Variants in ORC5 observed in about 807,000 individuals in gnomAD.
The protein encoded by ORC5 is origin recognition complex subunit 5.
A neutral mutation model predicts 58.8 loss-of-function variants in ORC5; 39 were observed. The ratio of observed to expected loss-of-function variants is 0.66; its 90% CI spans 0.51 to 0.87. The LOEUF (loss-of-function observed/expected upper bound fraction) is 0.87. Ranked by LOEUF, ORC5 falls within the 40% of genes least tolerant of loss-of-function variation. The pLI is 0.00. For missense variants in ORC5, 493 were observed against 506.3 expected, an observed-to-expected ratio of 0.97 and a Z score of 0.25; for synonymous variants, 218 against 177.6, an observed-to-expected ratio of 1.23 and a Z score of -1.81.
intron 8 of ORC5, among the ~76,000 whole-genome samples, chr7:104,170,947 T>C (rs1253515330): frequency 6.6e-6 from 1 of 152,226 alleles, no homozygotes; most frequent in African/African-American, 2.4e-5. Context: ...TTTTCAGTCC[T>C]TTCCTCAATG....
chr7:104,173,596 G>T (rs12705181), intron 8 of ORC5, among the ~76,000 whole-genome samples: 1 of 151,972 alleles, frequency 6.6e-6, no homozygotes, highest in Non-Finnish European at 1.5e-5. Context: ...GGAAGCTCCT[G>T]AATTCATTCA....
At chr7:104,161,291 T>G in intron 11 of ORC5, 109 bp from the exon 12 acceptor site, 2 of 595,038 alleles carry the variant, frequency 3.4e-6, no homozygotes, top group Non-Finnish European at 5.9e-6. Flanking sequence ...ATAGTTCCCC[T>G]AAAAATGCTA....
chr7:104,133,954 T>A lies in ORC5; in HGVS notation c.1262+2827A>T, dbSNP rs1798550795. 6.6e-6 allele frequency among the ~76,000 whole-genome samples: 1 copy of A among 151,964 alleles called. No individual in the cohort carries two copies. The highest frequency in any genetic ancestry group is 1.5e-5 in the Non-Finnish European group (1 of 67,980). ...GGAATTCAGAGCATAGGTAGAAGAA[T>A]CTACCTTAGGAAGAGGAACCCCATC... On this transcript the variant is annotated intron_variant, in intron 13 of 13. Coordinates refer to ENST00000297431, the MANE Select transcript of ORC5 (RefSeq NM_002553.4). The surrounding 1 kb of genome is among the most constrained non-coding windows in gnomAD (Gnocchi z 4.7).
At chr7:104,162,457 C>T (rs1043873865) in intron 11 of ORC5, among the ~76,000 whole-genome samples, 2 of 152,294 alleles carry the variant, frequency 1.3e-5, no homozygotes, top group South Asian at 2.1e-4. Context: ...CCAGTGCACC[C>T]AGCTACAAAT....
intron 8 of ORC5, among the ~76,000 whole-genome samples, chr7:104,173,048 C>T (rs189477348): frequency 1.8e-4 from 27 of 150,828 alleles, no homozygotes; most frequent in Admixed American, 3.3e-4. Context: ...GCTAAAACCC[C>T]CAACAAGTAG....
chr7:104,128,191 C>A (rs549312234), intron 13 of ORC5, among the ~76,000 whole-genome samples: 2 of 152,270 alleles, frequency 1.3e-5, no homozygotes, highest in South Asian at 4.1e-4. Context: ...AGCATGATCT[C>A]GGCTCACTGC....
chr7:104,203,941 A>G (rs1337248357), intron 2 of ORC5, among the ~76,000 whole-genome samples: 2 of 152,146 alleles, frequency 1.3e-5, no homozygotes, highest in Non-Finnish European at 2.9e-5. Flanking sequence ...TAAATGAGGG[A>G]AGATGAGGAA....
intron 12 of ORC5, among the ~76,000 whole-genome samples, chr7:104,159,020 A>G (rs148912874): frequency 8.8e-6 from 1 of 113,428 alleles, no homozygotes; most frequent in Non-Finnish European, 2.1e-5. Flanking sequence ...ATAAAGACAC[A>G]TGCACAAGTA....
At chr7:104,192,937 CA>C (rs2116037533) in intron 5 of ORC5, among the ~76,000 whole-genome samples, 1 of 149,480 alleles carries the variant, frequency 6.7e-6, no homozygotes, top group Non-Finnish European at 1.5e-5. Context: ...AACACACACA[CA>C]CACAGATTTA....
chr7:104,134,403 A>G (rs2043893001), intron 13 of ORC5, among the ~76,000 whole-genome samples: 1 of 141,930 alleles, frequency 7.0e-6, no homozygotes, highest in Admixed American at 7.0e-5. Context: ...CGACAGAGCA[A>G]GACACTCCAT....
intron 4 of ORC5, among the ~76,000 whole-genome samples, chr7:104,196,626 T>G (rs1352999955): frequency 6.6e-6 from 1 of 152,200 alleles, no homozygotes; most frequent in African/African-American, 2.4e-5. Flanking sequence ...ATTTGAGTAA[T>G]GTATTTAACT....
At chr7:104,160,864 G>T (rs1799010355) in intron 12 of ORC5, among the ~76,000 whole-genome samples, 1 of 151,946 alleles carries the variant, frequency 6.6e-6, no homozygotes, top group Non-Finnish European at 1.5e-5. Context: ...TTTGCCATGA[G>T]GTTATACTTG....
At chr7:104,163,566 A>T (rs1419555268) in intron 11 of ORC5, among the ~76,000 whole-genome samples, 7 of 152,160 alleles carry the variant, frequency 4.6e-5, no homozygotes, top group Non-Finnish European at 7.4e-5. Context: ...GGCTCACTGC[A>T]AGCTACGCCT....
intron 12 of ORC5, among the ~76,000 whole-genome samples, chr7:104,160,364 G>C (rs1799001777): frequency 6.6e-6 from 1 of 152,016 alleles, no homozygotes; most frequent in Non-Finnish European, 1.5e-5. Context: ...AAAACAAAAT[G>C]CTCACTGCAA....
chr7:104,185,297 C>T (rs938466884), intron 6 of ORC5, among the ~76,000 whole-genome samples: 24 of 151,000 alleles, frequency 1.6e-4, no homozygotes, highest in African/African-American at 5.6e-4. Flanking sequence ...CTTTTTTTTC[C>T]CGTTAATCTA....
intron 2 of ORC5, among the ~76,000 whole-genome samples, chr7:104,203,059 T>C (rs917738480): frequency 6.6e-6 from 1 of 152,048 alleles, no homozygotes; most frequent in African/African-American, 2.4e-5. Flanking sequence ...AGAGTATAAG[T>C]AGAAGAAAAC....
Position 104,169,809 on chromosome 7 carries a change from T to C in ORC5, c.825-1284A>G, listed in dbSNP as rs1197069946. On this transcript the variant is annotated intron_variant, in intron 8 of 13. Coordinates refer to ENST00000297431, the MANE Select transcript of ORC5 (RefSeq NM_002553.4). ...TTTCCCCTTTCTCTTTTCCTTCTTT[T>C]CCCAATTTTTAAGTTGTAATATTCC... Among the ~76,000 whole-genome samples the C allele has an allele frequency of 2.0e-5, 3 of 152,196 alleles. No individual in the cohort carries two copies. The East Asian group carries it at 5.8e-4, about 29-fold the overall frequency.
chr7:104,166,412 C>T (rs971117727), intron 10 of ORC5, among the ~76,000 whole-genome samples: 1 of 152,182 alleles, frequency 6.6e-6, no homozygotes, highest in Non-Finnish European at 1.5e-5. Context: ...AATGTATGTA[C>T]AGGAGAGGCT....
At chr7:104,177,232 A>G (rs887865946) in intron 8 of ORC5, among the ~76,000 whole-genome samples, 2 of 152,236 alleles carry the variant, frequency 1.3e-5, no homozygotes, top group African/African-American at 4.8e-5. Context: ...GTTGAATTAA[A>G]TAATACTCAT....
Sources: gnomAD v4.1 joint callset for allele counts (sites outside exome capture counted in the v4.1 genomes callset) on GRCh38, gnomAD v4.1.1 for gene constraint, Gnocchi (gnomAD v3.1) non-coding constraint, MANE v1.5 for transcripts, NCBI Gene and HGNC (gene_info 2026-07-23, HGNC 2026-07-21) for gene names.